The following NEB variants were observed in gnomAD, a reference collection of about 807,000 sequenced individuals.
NEB encodes nebulin, also known as nemaline myopathy type 2.
NEB carries 512 observed loss-of-function variants against 952.2 expected under a neutral mutation model. The observed-to-expected ratio is 0.54, with a 90% CI of 0.50 to 0.58. NEB has a LOEUF of 0.58. Among genes scored for constraint, NEB ranks in the 20% least tolerant of loss-of-function variants. The pLI is 0.00. For synonymous variants in NEB, 2,900 were observed against 3,149.8 expected (o/e 0.92, Z 2.66); for missense variants, 8,428 against 9,231.1 (o/e 0.91, Z 3.56).
intron 66 of NEB, 59 bp downstream of exon 66, chr2:151,631,084 A>G (rs1281819313): frequency 4.4e-6 from 7 of 1,595,284 alleles, no homozygotes; most frequent in Non-Finnish European, 6.0e-6. Context: ...TCCATTAGTC[A>G]TTAAAGTATA....
In NEB at chr2:151,658,011, G is replaced by C; in HGVS notation, c.6155C>G (p.Ala2052Gly). ...ACTTGCAATATCTCTGGAAGCCTTG[G>C]CAGCTTTGATAGGAATTGCATCAGG... is the stretch of plus-strand genomic sequence containing the variant. ...LRPDAIPIKA[A>G]KASRDIASDY... The change falls in exon 48 of 182, where the codon GCC (alanine) becomes GGC (glycine). Residue 2052 changes from alanine (A) to glycine (G), a missense_variant. Physicochemically the swap from Ala to Gly is moderately conservative, Grantham distance 60. Transcript: ENST00000397345. 1 of 1,610,084 alleles carries C rather than the reference G, an allele frequency of 6.2e-7. No individual in the cohort carries two copies. Among genetic ancestry groups the C allele is most frequent in the Non-Finnish European group, 8.5e-7 (1 of 1,177,464 alleles).
At chr2:151,685,770 A>C (rs965389903) in intron 27 of NEB, among the ~76,000 whole-genome samples, 4 of 152,216 alleles carry the variant, frequency 2.6e-5, no homozygotes, top group African/African-American at 9.7e-5. Flanking sequence ...TTACTTTGAC[A>C]GAAAAATGTT....
chr2:151,531,969 GA>G, intron 143 of NEB, 73 bp from the exon 144 acceptor site: 1 of 860,094 alleles, frequency 1.2e-6, no homozygotes, highest in South Asian at 1.6e-5. Context: ...TTGTCCTCTT[GA>G]AACACCAGAG....
At chr2:151,616,161 T>G in intron 75 of NEB, 52 bp from the exon 76 acceptor site, 6 of 1,232,974 alleles carry the variant, frequency 4.9e-6, no homozygotes, top group Non-Finnish European at 7.0e-6. Context: ...AAAGTGAAGC[T>G]GTTCATTATT....
intron 165 of NEB, 77 bp downstream of exon 165, chr2:151,505,401 G>A: frequency 8.0e-7 from 1 of 1,248,462 alleles, no homozygotes. Flanking sequence ...ATAGGAAGCA[G>A]AAAGATGAGA....
At chr2:151,691,489 G>A (rs986034639) in intron 23 of NEB, among the ~76,000 whole-genome samples, 9 of 152,054 alleles carry the variant, frequency 5.9e-5, no homozygotes, top group African/African-American at 2.2e-4. Flanking sequence ...CACTCCAGTG[G>A]GAGCTCAAGA....
chr2:151,496,438 T>C, intron 172 of NEB, 70 bp from the exon 173 acceptor site: 1 of 1,514,896 alleles, frequency 6.6e-7, no homozygotes, highest in Non-Finnish European at 8.9e-7. Flanking sequence ...GTTTTAAGGG[T>C]AAGGTCAACT....
chr2:151,644,007 G>A lies in NEB; in HGVS notation c.7767C>T (p.Tyr2589=), dbSNP rs759056844. 1.8e-5 allele frequency: 29 copies of A among 1,613,776 alleles called. No individual in the cohort carries two copies. In the Middle Eastern group the frequency reaches 6.6e-4, roughly 37 times the overall value. The change falls in exon 57 of 182, where the codon TAC becomes TAT. Residue 2589 remains tyrosine, a synonymous_variant. Coordinates refer to ENST00000397345, the MANE Select transcript of NEB (RefSeq NM_001164508.2). ...HVAKIQSDRE[Y]KKDFEKWKTK... Reference sequence around the variant, plus strand: ...TCTTCCACTTCTCAAAGTCCTTCTTGTACTCCCTGTCACTCTGGATCTTGG... The same window carrying A: ...TCTTCCACTTCTCAAAGTCCTTCTTATACTCCCTGTCACTCTGGATCTTGG...
Position 151,531,099 on chromosome 2 carries a change from G to A in NEB, c.21525C>T (p.Ile7175=), listed in dbSNP as rs369183371. 58 of 1,590,754 alleles carry A rather than the reference G, an allele frequency of 3.6e-5. 1 individual carries two copies. In the East Asian group the frequency reaches 9.6e-4, roughly 26 times the overall value. The change falls in exon 145 of 182, where the codon ATC becomes ATT. Residue 7175 remains isoleucine (I), a splice_region_variant and synonymous_variant. Coordinates refer to ENST00000397345, the MANE Select transcript of NEB (RefSeq NM_001164508.2). The part of the protein sequence containing the change: ...TTKVNKQISD[I]LYKLEYNKAK... ...CCTTGTTGTATTCCAATTTATAAAGGATCTGAAAGATCAAAAAGCAGAAAG... is the reference window on the plus strand; with the variant it reads ...CCTTGTTGTATTCCAATTTATAAAGAATCTGAAAGATCAAAAAGCAGAAAG...
chr2:151,538,452 A>G (rs1242320432), intron 138 of NEB, among the ~76,000 whole-genome samples: 1 of 152,232 alleles, frequency 6.6e-6, no homozygotes, highest in East Asian at 1.9e-4. Context: ...TTAACCGATC[A>G]TAATGTATCA....
At position 151,497,519 on chromosome 2, in the gene NEB, A is replaced by G. The variant is rs972264212; in HGVS notation, c.24300+107T>C. The stretch of plus-strand genomic sequence containing the variant: ...GGATAAATTTGCTAAAGAAATTCAC[A>G]AAATTTAAGTTGTCTTTAAAAAGTA... On this transcript the variant is annotated intron_variant, in intron 171 of 181. Transcript: ENST00000397345. The G allele has an allele frequency of 1.3e-5, 20 of 1,499,246 alleles. No homozygotes were observed. In the Admixed American group the frequency reaches 4.7e-4, roughly 35 times the overall value. The allele number at this position is 1,499,246 out of a possible 1,614,324, so 92.9% of individuals were successfully genotyped here. A position where few individuals can be genotyped will look rare whatever the true frequency, so the allele number is the denominator to read the frequency against.
intron 171 of NEB, chr2:151,497,359 GTGT>G: frequency 1.0e-6 from 1 of 982,104 alleles, no homozygotes; most frequent in South Asian, 4.7e-5. Context: ...GAACTCAGTG[GTGT>G]TATCCACACA....
intron 52 of NEB, among the ~76,000 whole-genome samples, chr2:151,651,829 A>G (rs2099033077): frequency 6.6e-6 from 1 of 152,240 alleles, no homozygotes; most frequent in Admixed American, 6.5e-5. Flanking sequence ...TAACTTCAAC[A>G]TAAGCAATCT....
At chr2:151,698,915 T>A (rs1369808819) in intron 13 of NEB, among the ~76,000 whole-genome samples, 172 of 148,708 alleles carry the variant, frequency 1.2e-3, no homozygotes, top group African/African-American at 3.8e-3. Flanking sequence ...CATGTGCACA[T>A]TGTGCAGGTT....
rs780714195 is a variant in NEB, at chr2:151,568,678, C to A, written c.17574G>T (p.Thr5858=). The A allele has an allele frequency of 3.7e-6, 6 of 1,607,852 alleles. No homozygotes were observed. Among genetic ancestry groups the A allele is most frequent in the Non-Finnish European group, 5.1e-6 (6 of 1,177,142 alleles). The stretch of plus-strand genomic sequence containing the variant: ...CATAATCAACTCTGTCATCCACAGG[C>A]GTAAAGTTGAGAGTTTCTATTTTTG... ...YRTKIETLNF[T]PVDDRVDYVT... The change falls in exon 111 of 182, where the codon ACG becomes ACT. Residue 5858 remains threonine (T), a synonymous_variant. Coordinates refer to ENST00000397345, the MANE Select transcript of NEB (RefSeq NM_001164508.2).
intron 57 of NEB, among the ~76,000 whole-genome samples, 187 bp downstream of exon 57, chr2:151,643,630 CA>C (rs1425356824): frequency 6.6e-6 from 1 of 152,138 alleles, no homozygotes; most frequent in Non-Finnish European, 1.5e-5. Context: ...AGGCTTCCAC[CA>C]AAGCAATGGG....
chr2:151,505,779 G>A (rs1461160332), intron 164 of NEB, among the ~76,000 whole-genome samples: 1 of 152,100 alleles, frequency 6.6e-6, no homozygotes, highest in Non-Finnish European at 1.5e-5. Context: ...TCTCTCTCTC[G>A]TCTCTTTGGG....
rs1243225003 is a variant in NEB, at chr2:151,506,889, A to AAAAT, written c.23556+16_23556+19dup. 1.3e-6 allele frequency: 2 copies of AAAAT among 1,511,782 alleles called. No individual in the cohort carries two copies. Among genetic ancestry groups the AAAAT allele is most frequent in the African/African-American group, 2.8e-5 (2 of 72,488 alleles). The allele number at this position is 1,511,782 out of a possible 1,614,324, so 93.6% of individuals were successfully genotyped here. A position where few individuals can be genotyped will look rare whatever the true frequency, so the allele number is the denominator to read the frequency against. On this transcript the variant is annotated intron_variant, in intron 163 of 181. Transcript: ENST00000397345. ...AAATGACTAGGTTAGCATTAAATGC[A>AAAAT]AAATAAATAGTAAATATACCGAGCT... is the stretch of plus-strand genomic sequence containing the variant.
chr2:151,682,571 A>G, intron 29 of NEB, 91 bp downstream of exon 29: 1 of 1,047,014 alleles, frequency 9.6e-7, no homozygotes, highest in Non-Finnish European at 1.4e-6. Flanking sequence ...AGTGACTGAG[A>G]ATGAAGCAAT....
Sources: gnomAD v4.1 joint callset for allele counts (sites outside exome capture counted in the v4.1 genomes callset) on GRCh38, gnomAD v4.1.1 for gene constraint, MANE v1.5 for transcripts, NCBI Gene and HGNC (gene_info 2026-07-23, HGNC 2026-07-21) for gene names.